The following LAMA1 variants were observed in gnomAD, a reference collection of about 807,000 sequenced individuals.
LAMA1 encodes laminin subunit alpha 1.
A neutral mutation model predicts 348.7 loss-of-function variants in LAMA1; 219 were observed. That is an observed-to-expected ratio of 0.63 (90% CI 0.56 to 0.70). The LOEUF is 0.70. Ranked by LOEUF, LAMA1 falls within the 30% of genes least tolerant of loss-of-function variation. The pLI is 0.00. For missense variants in LAMA1, 3,744 were observed against 3,888.0 expected (o/e 0.96, Z 0.99); for synonymous variants, 1,487 against 1,491.0 (o/e 1.00, Z 0.06).
At position 6,971,847 on chromosome 18, in the gene LAMA1, G is replaced by A. The variant is rs1297433097; in HGVS notation, c.6899+10C>T. ...AACATACTATGTGCTAAACCGTGAC[G>A]ACATCTTACCTTCCGAAGCACCCAC... On this transcript the variant is annotated intron_variant, in intron 48 of 62. Transcript: ENST00000389658. The A allele has an allele frequency of 1.4e-5, 23 of 1,613,806 alleles. No homozygotes were observed. The highest frequency in any genetic ancestry group is 1.9e-5 in the Non-Finnish European group (22 of 1,179,980).
In LAMA1 at chr18:6,956,686, C is replaced by T; in HGVS notation, c.8044G>A (p.Ala2682Thr). The change falls in exon 56 of 63, where the codon GCT becomes ACT. Residue 2682 changes from alanine to threonine, a missense_variant. Physicochemically the swap from Ala to Thr is moderately conservative, Grantham distance 58. This residue lies in a region of LAMA1 where 1,983 missense variants were observed against 1,934.3 expected (regional missense o/e 1.03). Transcript: ENST00000389658. Reference protein sequence around the residue: ...TCWLSERPKLAPDAEDSKLLP... With the variant: ...TCWLSERPKLTPDAEDSKLLP... ...AGCTTGCTGTCCTCTGCATCGGGAGCCAGCTTAGGCCTTTCTGACAGCCAG... is the reference window on the plus strand; with the variant it reads ...AGCTTGCTGTCCTCTGCATCGGGAGTCAGCTTAGGCCTTTCTGACAGCCAG... 1 of 1,614,182 alleles carries T rather than the reference C, an allele frequency of 6.2e-7. No homozygotes were observed.
rs1387750310 is a variant in LAMA1 at position 6,999,603 on chromosome 18, G to A, written c.4505C>T (p.Pro1502Leu). 19 of 1,613,416 alleles carry A rather than the reference G, an allele frequency of 1.2e-5. No homozygotes were observed. The highest frequency in any genetic ancestry group is 1.5e-5 in the Non-Finnish European group (18 of 1,179,766). ...SSSYYGNPQT[P>L]GGSCQKCDCN... is the part of the protein sequence containing the mutation. The stretch of plus-strand genomic sequence containing the variant: ...GTCACACTTCTGGCAACTGCCACCT[G>A]GTGTTTGAGGGTTCCCATAATAGCT... The change falls in exon 32 of 63, where the codon CCA becomes CTA. Residue 1502 changes from proline (P) to leucine (L), a missense_variant. By Grantham distance (98) the Pro-to-Leu change is moderately conservative (BLOSUM62 -3). Coordinates refer to ENST00000389658, the MANE Select transcript of LAMA1 (RefSeq NM_005559.4).
intron 9 of LAMA1, among the ~76,000 whole-genome samples, chr18:7,041,006 T>C (rs1465732012): frequency 1.3e-5 from 2 of 152,130 alleles, no homozygotes; most frequent in Non-Finnish European, 2.9e-5. Flanking sequence ...AAGTAAGAAG[T>C]GACAGCTAGT....
At chr18:7,058,422 C>A (rs1029661753) in intron 3 of LAMA1, among the ~76,000 whole-genome samples, 1 of 152,132 alleles carries the variant, frequency 6.6e-6, no homozygotes, top group African/African-American at 2.4e-5. Context: ...AACCTAAATA[C>A]AATTTGTCTT....
At chr18:6,962,176 C>A (rs1488017961) in intron 51 of LAMA1, 117 bp from the exon 52 acceptor site, 2 of 745,426 alleles carry the variant, frequency 2.7e-6, no homozygotes, top group African/African-American at 3.5e-5. Flanking sequence ...AATCCCAGCA[C>A]TTTGGAAGGC....
intron 19 of LAMA1, among the ~76,000 whole-genome samples, chr18:7,018,006 C>T (rs1372928653): frequency 1.3e-5 from 2 of 152,058 alleles, no homozygotes; most frequent in African/African-American, 2.4e-5. Context: ...AATCAATATT[C>T]ACAGGGGAAC....
At chr18:7,044,974 C>A in intron 6 of LAMA1, 135 bp from the exon 7 acceptor site, 1 of 752,824 alleles carries the variant, frequency 1.3e-6, no homozygotes, top group South Asian at 1.4e-5. Context: ...ATCATCAAAG[C>A]AAACTGGCAT....
intron 16 of LAMA1, among the ~76,000 whole-genome samples, chr18:7,028,945 C>T (rs1256747409): frequency 6.6e-6 from 1 of 152,230 alleles, no homozygotes; most frequent in Non-Finnish European, 1.5e-5. Context: ...CCTACGGCCA[C>T]TCATTTTACA....
rs563361600 is a variant in LAMA1 at position 7,009,547 on chromosome 18, A to G, written c.3874-181T>C. On this transcript the variant is annotated intron_variant, in intron 26 of 62. Transcript: ENST00000389658. The stretch of plus-strand genomic sequence containing the variant: ...CATGGACAGGCGCAGTGTCAGTTCC[A>G]TTATCAATAGATATGCATTACCTAA... Among the ~76,000 whole-genome samples, 186 of 152,298 alleles carry G rather than the reference A, an allele frequency of 1.2e-3. 1 individual carries two copies. The highest frequency in any genetic ancestry group is 6.8e-3 in the Middle Eastern group (2 of 294).
chr18:6,963,061 C>T (rs2144011203), intron 51 of LAMA1, among the ~76,000 whole-genome samples: 1 of 150,522 alleles, frequency 6.6e-6, no homozygotes, highest in Non-Finnish European at 1.5e-5. Context: ...AGCCACACCT[C>T]ATTTTTTTTT....
intron 3 of LAMA1, among the ~76,000 whole-genome samples, chr18:7,077,287 C>T (rs1458927924): frequency 2.0e-5 from 3 of 150,792 alleles, no homozygotes; most frequent in South Asian, 2.1e-4. Flanking sequence ...CTGCAAGCTC[C>T]GCCTCCTGGG....
At chr18:7,012,194 GAACA>G (rs1319397089) in intron 23 of LAMA1, 56 bp from the exon 24 acceptor site, 5 of 1,558,522 alleles carry the variant, frequency 3.2e-6, no homozygotes, top group East Asian at 2.2e-5. Context: ...TGTGATTTCT[GAACA>G]AACAGAGACA....
intron 3 of LAMA1, among the ~76,000 whole-genome samples, chr18:7,073,149 T>C (rs2058152853): frequency 6.6e-6 from 1 of 152,174 alleles, no homozygotes; most frequent in Non-Finnish European, 1.5e-5. Flanking sequence ...TTCCTCACAC[T>C]AAATTTGTGC....
chr18:6,975,860 T>C (rs28404496), intron 45 of LAMA1, 77 bp downstream of exon 45: 100,556 of 1,583,010 alleles, frequency 0.064, 5,412 homozygotes, highest in African/African-American at 0.28. Flanking sequence ...TTTTTTTTCG[T>C]CAAATAAGTG....
At position 7,044,778 on chromosome 18, in the gene LAMA1, C is replaced by G; in HGVS notation, c.920G>C (p.Gly307Ala). ...CGESCNRCCP[G>A]YHQQPWRPGT... ...CGGCCTCCAGGGCTGCTGATGGTAC[C>G]CAGGACAGCACCTGTTACAGCTCTC... Residue 307 changes from glycine to alanine, a missense_variant, in exon 7 of 63, where the codon GGG becomes GCG. Gly to Ala is a moderately conservative substitution (Grantham distance 60). Transcript: ENST00000389658. 6.2e-7 allele frequency: 1 copy of G among 1,614,162 alleles called. No homozygotes were observed. Among genetic ancestry groups the G allele is most frequent in the Non-Finnish European group, 8.5e-7 (1 of 1,180,040 alleles).
chr18:6,968,133 C>T (rs1266343865), intron 48 of LAMA1, among the ~76,000 whole-genome samples: 2 of 152,150 alleles, frequency 1.3e-5, no homozygotes, highest in African/African-American at 4.8e-5. Flanking sequence ...AATGAAAGCT[C>T]GGTTCATCAC....
At position 6,947,277 on chromosome 18, in the gene LAMA1, G is replaced by T; in HGVS notation, c.8730C>A (p.Val2910=). ...CCAGTGTGATGTTCACATCTGACTG[G>T]ACTTTGTAGCCCTCTTTGACTGTAA... ...YAALVKEGYK[V]QSDVNITLEF... is the part of the protein sequence containing the mutation. Residue 2910 remains valine (V), a synonymous_variant, in exon 61 of 63, where the codon GTC becomes GTA. Coordinates refer to ENST00000389658, the MANE Select transcript of LAMA1 (RefSeq NM_005559.4). The T allele has an allele frequency of 1.2e-6, 2 of 1,613,868 alleles. No individual in the cohort carries two copies. Among genetic ancestry groups the T allele is most frequent in the Non-Finnish European group, 1.7e-6 (2 of 1,180,016 alleles).
intron 3 of LAMA1, 29 bp downstream of exon 3, chr18:7,079,946 C>T (rs779112511): frequency 2.3e-5 from 35 of 1,491,044 alleles, no homozygotes; most frequent in Non-Finnish European, 3.1e-5. Context: ...AGCCTGTAGA[C>T]ACTCTTCAAT....
At position 7,006,005 on chromosome 18, in the gene LAMA1, C is replaced by T. The variant is rs75851048; in HGVS notation, c.4260+1134G>A. 7.8e-3 allele frequency among the ~76,000 whole-genome samples: 1,184 copies of T among 152,226 alleles called. 16 individuals carry two copies. Among genetic ancestry groups the T allele is most frequent in the African/African-American group, 0.026 (1,088 of 41,536 alleles). On this transcript the variant is annotated intron_variant, in intron 29 of 62. Transcript: ENST00000389658. The stretch of plus-strand genomic sequence containing the variant: ...GCCACACCCAGGATCTCCGAGGCTT[C>T]GGGTGTGTCCTTGGTGGGCAGCTCA...
Sources: gnomAD v4.1 joint callset for allele counts (sites outside exome capture counted in the v4.1 genomes callset) on GRCh38, gnomAD v4.1.1 for gene constraint, gnomAD v4.1.1 regional missense constraint, MANE v1.5 for transcripts, NCBI Gene and HGNC (gene_info 2026-07-23, HGNC 2026-07-21) for gene names.